Variants in RSRC2 observed in about 807,000 individuals in gnomAD.
RSRC2 encodes the protein arginine/serine-rich coiled-coil protein 2.
In RSRC2, 5 loss-of-function variants were observed where a neutral mutation model predicts 61.3. The ratio of observed to expected loss-of-function variants is 0.08; its 90% CI spans 0.04 to 0.17. The LOEUF (loss-of-function observed/expected upper bound fraction) is 0.17, where lower values mean the gene tolerates loss of function less well. RSRC2 is among the 10% of genes least tolerant of loss of function. RSRC2 has a pLI of 1.00. For synonymous variants in RSRC2, 202 were observed against 166.5 expected (o/e 1.21, Z -1.64); for missense variants, 381 against 518.8 (o/e 0.73, Z 2.58).
At chr12:122,521,911 G>C (rs768241668) in intron 2 of RSRC2, among the ~76,000 whole-genome samples, 2 of 152,234 alleles carry the variant, frequency 1.3e-5, no homozygotes, top group African/African-American at 4.8e-5. Flanking sequence ...TGAGGCAGAA[G>C]AACTGCCTGA....
At chr12:122,517,085 T>C (rs2137505924) in intron 5 of RSRC2, 142 bp downstream of exon 5, 5 of 1,196,732 alleles carry the variant, frequency 4.2e-6, no homozygotes, top group South Asian at 1.5e-5. Flanking sequence ...GTGTTCTTCA[T>C]ACGTTAGGTA....
intron 1 of RSRC2, chr12:122,523,042 A>C (rs546327822): frequency 6.6e-6 from 1 of 152,372 alleles, no homozygotes; most frequent in South Asian, 2.1e-4. Flanking sequence ...CATGAAAATA[A>C]AATAATTGAT....
intron 5 of RSRC2, 51 bp from the exon 6 acceptor site, chr12:122,515,278 T>C: frequency 1.3e-6 from 2 of 1,564,420 alleles, no homozygotes; most frequent in Non-Finnish European, 8.7e-7. Context: ...TCATAACTAT[T>C]TTGTTAATAA....
At chr12:122,515,394 ATT>A (rs1267613652) in intron 5 of RSRC2, among the ~76,000 whole-genome samples, 167 bp from the exon 6 acceptor site, 1 of 152,150 alleles carries the variant, frequency 6.6e-6, no homozygotes, top group Non-Finnish European at 1.5e-5. Flanking sequence ...TGGAAATAAC[ATT>A]TGTTTCCAAC....
At chr12:122,513,240 T>TA (rs1466985032) in intron 6 of RSRC2, among the ~76,000 whole-genome samples, 4,192 of 67,754 alleles carry the variant, frequency 0.062, 205 homozygotes, top group African/African-American at 0.16. Context: ...AATAAATAAA[T>TA]AAATAAAATA....
intron 7 of RSRC2, among the ~76,000 whole-genome samples, chr12:122,509,804 T>A (rs1314291402): frequency 6.6e-6 from 1 of 152,072 alleles, no homozygotes; most frequent in African/African-American, 2.4e-5. Flanking sequence ...AAATCAACAG[T>A]AAGCTCTTCG....
rs199985159 is a variant in RSRC2 at position 122,515,234 on chromosome 12, T to C, written c.603-7A>G. ...AATTCTCTTCTTTCTATCTCTGTAG[T>C]AAATCGTATTTCATATGTCAAATTA... On this transcript the variant is annotated splice_polypyrimidine_tract_variant and splice_region_variant and intron_variant, in intron 5 of 9. Coordinates refer to ENST00000331738, the MANE Select transcript of RSRC2 (RefSeq NM_023012.6). 51 of 1,611,890 alleles carry C rather than the reference T, an allele frequency of 3.2e-5. No homozygotes were observed. Among genetic ancestry groups the C allele is most frequent in the Non-Finnish European group, 4.2e-5 (49 of 1,179,252 alleles).
chr12:122,513,453 T>C (rs1203932190), intron 6 of RSRC2, among the ~76,000 whole-genome samples: 3 of 151,970 alleles, frequency 2.0e-5, no homozygotes, highest in African/African-American at 4.8e-5. Flanking sequence ...TAAAACTTTA[T>C]CTGAAAGATC....
At chr12:122,514,304 G>A (rs1289121371) in intron 6 of RSRC2, among the ~76,000 whole-genome samples, 2 of 141,386 alleles carry the variant, frequency 1.4e-5, no homozygotes, top group Non-Finnish European at 3.0e-5. Flanking sequence ...TCGCTCTATC[G>A]CCCAGGCTGG....
intron 6 of RSRC2, among the ~76,000 whole-genome samples, chr12:122,514,265 TG>T (rs1481124206): frequency 8.6e-5 from 10 of 116,460 alleles, no homozygotes; most frequent in South Asian, 2.8e-4. Context: ...TGTGTGTGTG[TG>T]TGTGTTTTTT....
intron 6 of RSRC2, among the ~76,000 whole-genome samples, chr12:122,514,411 C>G (rs1009007074): frequency 1.3e-5 from 2 of 151,288 alleles, no homozygotes; most frequent in Non-Finnish European, 2.9e-5. Flanking sequence ...ATTACAGGCG[C>G]CTGCCACCAC....
chr12:122,512,035 T>G (rs746768549), intron 6 of RSRC2, among the ~76,000 whole-genome samples: 2 of 152,156 alleles, frequency 1.3e-5, no homozygotes, highest in Non-Finnish European at 2.9e-5. Flanking sequence ...CTCAAACTCC[T>G]GACCTTCTGA....
chr12:122,517,439 A>G lies in RSRC2; in HGVS notation c.399-9T>C, dbSNP rs1179292565. ...TTCTACTACGATGGCGTCTGAAATT[A>G]AAGTGCACAAATTTGTAATTACTTA... On this transcript the variant is annotated splice_polypyrimidine_tract_variant and intron_variant, in intron 4 of 9. Transcript: ENST00000331738. 6 of 1,613,920 alleles carry G rather than the reference A, an allele frequency of 3.7e-6. No homozygotes were observed. The Admixed American group carries it at 6.7e-5, about 18-fold the overall frequency.
Position 122,506,915 on chromosome 12 carries a change from G to T in RSRC2, c.1044C>A (p.Ser348=). The change falls in exon 9 of 10, where the codon TCC becomes TCA. Residue 348 remains serine, a synonymous_variant. Transcript: ENST00000331738. ...ATTTTTCCCATATTTCAGCAGATTG[G>T]GATTTGTCCTGTTAACAAACACTGA... The part of the protein sequence containing the change: ...LWQGKKEGDK[S]QSAEIWEKLN... 1 of 1,596,194 alleles carries T rather than the reference G, an allele frequency of 6.3e-7. No homozygotes were observed. The highest frequency in any genetic ancestry group is 8.6e-7 in the Non-Finnish European group (1 of 1,164,640).
chr12:122,524,003 T>G (rs990343738), intron 1 of RSRC2, among the ~76,000 whole-genome samples: 2 of 152,220 alleles, frequency 1.3e-5, no homozygotes, highest in African/African-American at 4.8e-5. Flanking sequence ...GAGGCTCTCA[T>G]GCCAGCATAT....
In RSRC2 at chr12:122,505,290, T is replaced by A; in HGVS notation, c.*237A>T. 1 of 370,836 alleles carries A rather than the reference T, an allele frequency of 2.7e-6. No individual in the cohort carries two copies. Among genetic ancestry groups the A allele is most frequent in the East Asian group, 4.1e-5 (1 of 24,450 alleles). 23.0% of individuals were successfully genotyped at this position (370,836 alleles called of 1,614,324 possible). A position where few individuals can be genotyped will look rare whatever the true frequency, so the allele number is the denominator to read the frequency against. The stretch of plus-strand genomic sequence containing the variant: ...TTATATATTTGAAAAGTAGAATTCA[T>A]GAACTAAAAAATATTATCCTTCTAT... On this transcript the variant is annotated 3_prime_UTR_variant, in exon 10 of 10. Coordinates refer to ENST00000331738, the MANE Select transcript of RSRC2 (RefSeq NM_023012.6).
At chr12:122,523,051 A>G (rs190360326) in intron 1 of RSRC2, 18 of 152,362 alleles carry the variant, frequency 1.2e-4, no homozygotes, top group African/African-American at 4.3e-4. Flanking sequence ...AAAATAATTG[A>G]TACACCTGGG....
chr12:122,521,152 T>G, intron 3 of RSRC2: 1 of 431,244 alleles, frequency 2.3e-6, no homozygotes, highest in Non-Finnish European at 4.2e-6. Context: ...ATATGAAATT[T>G]TTATTGTGAA....
intron 5 of RSRC2, among the ~76,000 whole-genome samples, chr12:122,516,974 C>T (rs1958979317): frequency 6.6e-6 from 1 of 152,200 alleles, no homozygotes; most frequent in Admixed American, 6.5e-5. Flanking sequence ...ACCACGACAC[C>T]TAGCCAACAA....
Sources: allele counts gnomAD v4.1 joint callset (sites outside exome capture counted in the v4.1 genomes callset), GRCh38; gene constraint gnomAD v4.1.1; transcripts MANE v1.5; gene names NCBI Gene and HGNC (gene_info 2026-07-23, HGNC 2026-07-21).